The following MRPL55 variants were observed in gnomAD, a reference collection of about 807,000 sequenced individuals.
MRPL55 encodes the protein large ribosomal subunit protein mL55.
In MRPL55, 7 loss-of-function variants were observed where a neutral mutation model predicts 10.6. That is an observed-to-expected ratio of 0.66 (90% CI 0.38 to 1.24). The LOEUF (loss-of-function observed/expected upper bound fraction) is 1.24, where lower values mean the gene tolerates loss of function less well. Ranked by LOEUF, MRPL55 falls within the 50% of genes most tolerant of loss-of-function variation. The probability of loss-of-function intolerance (pLI) is 0.02; values close to 1 mark genes in which losing one functional copy is unlikely to be tolerated. For synonymous variants in MRPL55, 57 were observed against 71.8 expected, an observed-to-expected ratio of 0.79 and a Z score of 1.04; for missense variants, 148 against 180.3, an observed-to-expected ratio of 0.82 and a Z score of 1.03.
In MRPL55 at chr1:228,107,850, C is replaced by T. The variant is rs765615382; in HGVS notation, c.46G>A (p.Val16Met). 1.6e-5 allele frequency: 26 copies of T among 1,612,912 alleles called. No homozygotes were observed. Among genetic ancestry groups the T allele is most frequent in the African/African-American group, 8.0e-5 (6 of 74,908 alleles). Residue 16 changes from valine (V) to methionine (M), a missense_variant, in exon 4 of 5, where the codon GTG (valine) becomes ATG (methionine). Physicochemically the swap from Val to Met is conservative, Grantham distance 21. Coordinates refer to ENST00000336520, the MANE Select transcript of MRPL55 (RefSeq NM_181463.3). ...CGGAGTGCAGGTCCGGTGGCCTTCA[C>T]GGTGCTCTGCCTCAGCCGGCTGCAG... The part of the protein sequence containing the change: ...SLLGRLRQST[V>M]KATGPALRRL...
At position 228,107,776 on chromosome 1, in the gene MRPL55, G is replaced by T; in HGVS notation, c.120C>A (p.Leu40=). 1 of 1,613,310 alleles carries T rather than the reference G, an allele frequency of 6.2e-7. No homozygotes were observed. The change falls in exon 4 of 5, where the codon CTC becomes CTA. Residue 40 remains leucine (L), a synonymous_variant. Coordinates refer to ENST00000336520, the MANE Select transcript of MRPL55 (RefSeq NM_181463.3). The part of the protein sequence containing the change: ...SWRADSSRAS[L]TRVHRQAYAR... ...CATAAGCCTGGCGGTGCACACGAGT[G>T]AGTGAGGCCCTGCTGCTGTCAGCTC... is the stretch of plus-strand genomic sequence containing the variant.
Position 228,107,663 on chromosome 1 carries a change from C to G in MRPL55, c.228+5G>C. ...ACCTGGAAGCACCTGGAGAGGGAAGCTTACCGCCAGCATGCGCCGTGGCTC... is the reference window on the plus strand; with the variant it reads ...ACCTGGAAGCACCTGGAGAGGGAAGGTTACCGCCAGCATGCGCCGTGGCTC... On this transcript the variant is annotated splice_donor_5th_base_variant and intron_variant, in intron 4 of 4. Transcript: ENST00000336520. 1 of 1,612,498 alleles carries G rather than the reference C, an allele frequency of 6.2e-7. No individual in the cohort carries two copies. Among genetic ancestry groups the G allele is most frequent in the Non-Finnish European group, 8.5e-7 (1 of 1,179,950 alleles).
intron 2 of MRPL55, 109 bp from the exon 3 acceptor site, chr1:228,108,427 C>A: frequency 1.4e-6 from 1 of 695,966 alleles, no homozygotes; most frequent in Non-Finnish European, 2.4e-6. Flanking sequence ...GTAATCACCA[C>A]GCCACTCACC....
At chr1:228,108,599 T>C (rs1179822729) in intron 2 of MRPL55, 8 of 345,848 alleles carry the variant, frequency 2.3e-5, no homozygotes, top group East Asian at 2.0e-4. Flanking sequence ...CTGAATGGAC[T>C]GCAGCCTCAA....
intron 4 of MRPL55, 93 bp from the exon 5 acceptor site, chr1:228,107,011 C>T (rs566608143): frequency 8.1e-5 from 75 of 928,018 alleles, no homozygotes; most frequent in Non-Finnish European, 1.2e-4. Context: ...CAACTTACGT[C>T]TTCCATCCTA....
rs1165231986 is a variant in MRPL55, at chr1:228,106,927, G to A, written c.229-9C>T. On this transcript the variant is annotated splice_polypyrimidine_tract_variant and intron_variant, in intron 4 of 4. Transcript: ENST00000336520. ...TCCAGATCTATGGGCATCTGCAGGG[G>A]ACAGACCAAGTTTCGTCCATGTGGA... The A allele has an allele frequency of 1.2e-6, 2 of 1,609,574 alleles. No individual in the cohort carries two copies. Among genetic ancestry groups the A allele is most frequent in the Non-Finnish European group, 1.7e-6 (2 of 1,177,422 alleles).
At position 228,107,729 on chromosome 1, in the gene MRPL55, A is replaced by G. The variant is rs1422710550; in HGVS notation, c.167T>C (p.Leu56Pro). ...QAYARLYPVL[L>P]VKQDGSTIHI... ...GATGGTGGAGCCATCCTGCTTCACCAGCAGCACGGGGTAGAGTCGTGCATA... is the reference window on the plus strand; with the variant it reads ...GATGGTGGAGCCATCCTGCTTCACCGGCAGCACGGGGTAGAGTCGTGCATA... Residue 56 changes from leucine (L) to proline (P), a missense_variant, in exon 4 of 5, where the codon CTG becomes CCG. Physicochemically the swap from Leu to Pro is moderately conservative, Grantham distance 98. Coordinates refer to ENST00000336520, the MANE Select transcript of MRPL55 (RefSeq NM_181463.3). 1 of 1,613,142 alleles carries G rather than the reference A, an allele frequency of 6.2e-7. No individual in the cohort carries two copies. Among genetic ancestry groups the G allele is most frequent in the African/African-American group, 1.3e-5 (1 of 74,950 alleles).
At chr1:228,106,961 C>T (rs1273303842) in intron 4 of MRPL55, 43 bp from the exon 5 acceptor site, 2 of 1,563,438 alleles carry the variant, frequency 1.3e-6, no homozygotes, top group Admixed American at 3.4e-5. Context: ...GATCGAGGGA[C>T]CTTGAGAGCT....
At position 228,107,783 on chromosome 1, in the gene MRPL55, G is replaced by A; in HGVS notation, c.113C>T (p.Ala38Val). 6.2e-7 allele frequency: 1 copy of A among 1,613,288 alleles called. No homozygotes were observed. Among genetic ancestry groups the A allele is most frequent in the Non-Finnish European group, 8.5e-7 (1 of 1,180,036 alleles). The stretch of plus-strand genomic sequence containing the variant: ...CTGGCGGTGCACACGAGTGAGTGAG[G>A]CCCTGCTGCTGTCAGCTCGCCAGGA... ...TSSWRADSSR[A>V]SLTRVHRQAY... The change falls in exon 4 of 5, where the codon GCC becomes GTC. Residue 38 changes from alanine (A) to valine (V), a missense_variant. By Grantham distance (64) the Ala-to-Val change is moderately conservative. Transcript: ENST00000336520.
chr1:228,107,027 G>C, intron 4 of MRPL55, 109 bp from the exon 5 acceptor site: 4 of 780,510 alleles, frequency 5.1e-6, no homozygotes, highest in Non-Finnish European at 8.3e-6. Context: ...TCCTATGCTA[G>C]CTTAATTTTC....
chr1:228,107,208 CAGG>C (rs2033217245), intron 4 of MRPL55, among the ~76,000 whole-genome samples: 1 of 152,150 alleles, frequency 6.6e-6, no homozygotes, highest in Non-Finnish European at 1.5e-5. Flanking sequence ...CGCTTGAGCC[CAGG>C]AGTTCAAGAC....
chr1:228,107,950 GCACTGCCGGGCCA>G, intron 3 of MRPL55, 81 bp from the exon 4 acceptor site: 5 of 1,569,948 alleles, frequency 3.2e-6, no homozygotes, highest in Non-Finnish European at 4.3e-6. Context: ...CTGTGATTGG[GCACTGCCGGGCCA>G]CAGGAGACAT....
chr1:228,106,993 C>T, intron 4 of MRPL55, 75 bp from the exon 5 acceptor site: 1 of 1,238,412 alleles, frequency 8.1e-7, no homozygotes, highest in South Asian at 1.4e-5. Context: ...AGCCCAAGGC[C>T]TTCCTCTCAA....
rs1176719794 is a variant in MRPL55, at chr1:228,106,763, C to T, written c.384G>A (p.Lys128=). 1.3e-5 allele frequency: 21 copies of T among 1,611,382 alleles called. No homozygotes were observed. The highest frequency in any genetic ancestry group is 1.8e-5 in the Non-Finnish European group (21 of 1,178,532). The change falls in exon 5 of 5, where the codon AAG becomes AAA. Residue 128 remains lysine (K), a synonymous_variant. Coordinates refer to ENST00000336520, the MANE Select transcript of MRPL55 (RefSeq NM_181463.3). ...RYRQFWTRTK[K] ...CCCGGGGTGGCTGGAGCCACGGTCA[C>T]TTCTTGGTCCTGGTCCAGAACTGTC...
At chr1:228,108,013 C>T (rs770346197) in intron 3 of MRPL55, 144 bp from the exon 4 acceptor site, 4 of 1,544,422 alleles carry the variant, frequency 2.6e-6, no homozygotes, top group Admixed American at 2.0e-5. Context: ...GGATGAGCCT[C>T]GGGGCTTCCT....
Position 228,107,708 on chromosome 1 carries a change from G to A in MRPL55, c.188C>T (p.Thr63Ile), listed in dbSNP as rs780368764. The part of the protein sequence containing the change: ...PVLLVKQDGS[T>I]IHIRYREPRR... The stretch of plus-strand genomic sequence containing the variant: ...TGGCTCCCTGTAGCGGATGTGGATG[G>A]TGGAGCCATCCTGCTTCACCAGCAG... The change falls in exon 4 of 5, where the codon ACC becomes ATC. Residue 63 changes from threonine (T) to isoleucine (I), a missense_variant. Thr to Ile is a moderately conservative substitution (Grantham distance 89). Coordinates refer to ENST00000336520, the MANE Select transcript of MRPL55 (RefSeq NM_181463.3). 6.2e-7 allele frequency: 1 copy of A among 1,613,138 alleles called. No individual in the cohort carries two copies. The highest frequency in any genetic ancestry group is 1.3e-5 in the African/African-American group (1 of 74,958).
At position 228,106,772 on chromosome 1, in the gene MRPL55, C is replaced by T. The variant is rs1046357529; in HGVS notation, c.375G>A (p.Arg125=). The stretch of plus-strand genomic sequence containing the variant: ...GCTGGAGCCACGGTCACTTCTTGGT[C>T]CTGGTCCAGAACTGTCGGTAGCGCT... ...HVERYRQFWT[R]TKK The change falls in exon 5 of 5, where the codon AGG becomes AGA. Residue 125 remains arginine (R), a synonymous_variant. Coordinates refer to ENST00000336520, the MANE Select transcript of MRPL55 (RefSeq NM_181463.3). 1 of 1,612,518 alleles carries T rather than the reference C, an allele frequency of 6.2e-7. No individual in the cohort carries two copies. Among genetic ancestry groups the T allele is most frequent in the Non-Finnish European group, 8.5e-7 (1 of 1,179,286 alleles).
Position 228,107,680 on chromosome 1 carries a change from C to T in MRPL55, c.216G>A (p.Arg72=). 1 of 1,612,982 alleles carries T rather than the reference C, an allele frequency of 6.2e-7. No individual in the cohort carries two copies. The highest frequency in any genetic ancestry group is 1.1e-5 in the South Asian group (1 of 91,070). ...GAGGGAAGCTTACCGCCAGCATGCG[C>T]CGTGGCTCCCTGTAGCGGATGTGGA... ...STIHIRYREP[R]RMLAMPIDLD... Residue 72 remains arginine (R), a synonymous_variant, in exon 4 of 5, where the codon CGG becomes CGA. Coordinates refer to ENST00000336520, the MANE Select transcript of MRPL55 (RefSeq NM_181463.3).
chr1:228,108,094 G>A (rs1179147454), intron 3 of MRPL55, 141 bp downstream of exon 3: 3 of 1,533,772 alleles, frequency 2.0e-6, no homozygotes, highest in Non-Finnish European at 2.6e-6. Flanking sequence ...GCTGAGCAAG[G>A]GCACAAAGCT....
Sources: gnomAD v4.1 joint callset for allele counts (sites outside exome capture counted in the v4.1 genomes callset) on GRCh38, gnomAD v4.1.1 for gene constraint, MANE v1.5 for transcripts, NCBI Gene and HGNC (gene_info 2026-07-23, HGNC 2026-07-21) for gene names.